FOXP1: variants seen among roughly 807,000 people sequenced by gnomAD.
The protein encoded by FOXP1 is forkhead box protein P1.
Under a neutral mutation model 98.2 loss-of-function variants are expected in FOXP1, and 15 were observed. The ratio of observed to expected loss-of-function variants is 0.15; its 90% CI spans 0.10 to 0.24. FOXP1 has a LOEUF of 0.24. Among genes scored for constraint, FOXP1 ranks in the 10% least tolerant of loss-of-function variants. The pLI is 1.00. For synonymous variants in FOXP1, 371 were observed against 314.5 expected (o/e 1.18, Z -1.90); for missense variants, 633 against 848.5 (o/e 0.75, Z 3.15).
At chr3:71,063,020 C>T (rs2051765148) in intron 7 of FOXP1, among the ~76,000 whole-genome samples, 1 of 152,210 alleles carries the variant, frequency 6.6e-6, no homozygotes, top group Admixed American at 6.5e-5. Context: ...CAGGCAACTA[C>T]ACAAATAACT....
chr3:71,208,965 G>A (rs541971548), intron 5 of FOXP1, among the ~76,000 whole-genome samples: 1 of 152,194 alleles, frequency 6.6e-6, no homozygotes, highest in South Asian at 2.1e-4. Flanking sequence ...TGGAGACCAA[G>A]CCTGCTTGTT....
chr3:71,031,508 A>G (rs542055946), intron 11 of FOXP1, among the ~76,000 whole-genome samples: 32 of 152,294 alleles, frequency 2.1e-4, no homozygotes, highest in African/African-American at 7.2e-4. Flanking sequence ...GTCTTTTTAA[A>G]AAGTCCCTAT....
intron 5 of FOXP1, among the ~76,000 whole-genome samples, chr3:71,233,658 C>A (rs2066526421): frequency 6.8e-6 from 1 of 148,024 alleles, no homozygotes; most frequent in Non-Finnish European, 1.5e-5. Context: ...GCCAGGCTGA[C>A]CTCAGATGAT....
At chr3:71,240,324 C>A (rs2067147167) in intron 5 of FOXP1, among the ~76,000 whole-genome samples, 2 of 152,222 alleles carry the variant, frequency 1.3e-5, no homozygotes, top group South Asian at 4.1e-4. Flanking sequence ...AATGGAAGGG[C>A]AGTGTACTGG....
At chr3:71,426,553 T>C (rs995133751) in intron 3 of FOXP1, among the ~76,000 whole-genome samples, 7 of 152,160 alleles carry the variant, frequency 4.6e-5, no homozygotes, top group African/African-American at 1.4e-4. Context: ...TTACTGTGGC[T>C]ATATGAAGGA....
At chr3:71,469,098 T>G (rs554300322) in intron 3 of FOXP1, among the ~76,000 whole-genome samples, 6 of 152,258 alleles carry the variant, frequency 3.9e-5, no homozygotes, top group African/African-American at 1.4e-4. Context: ...TGGCACACAT[T>G]TAGACTGACT....
chr3:71,191,716 C>T (rs994804893), intron 6 of FOXP1, among the ~76,000 whole-genome samples: 1 of 152,084 alleles, frequency 6.6e-6, no homozygotes, highest in Non-Finnish European at 1.5e-5. Flanking sequence ...TGAAATATGC[C>T]TTTTCTAGAA....
At chr3:70,986,153 C>T (rs763107308) in intron 14 of FOXP1, among the ~76,000 whole-genome samples, 19 of 152,160 alleles carry the variant, frequency 1.2e-4, no homozygotes, top group Non-Finnish European at 2.2e-4. Flanking sequence ...CCTTCCATCC[C>T]TGTTCACTTC....
intron 5 of FOXP1, among the ~76,000 whole-genome samples, chr3:71,263,357 A>G (rs2069340119): frequency 6.6e-6 from 1 of 152,234 alleles, no homozygotes; most frequent in South Asian, 2.1e-4. Context: ...CTGAAAGAAT[A>G]TAAAAATCGG....
intron 4 of FOXP1, among the ~76,000 whole-genome samples, chr3:71,318,954 A>G (rs1281311729): frequency 1.3e-5 from 2 of 152,216 alleles, no homozygotes; most frequent in Non-Finnish European, 2.9e-5. Context: ...AGGAAAGCAC[A>G]CACAAATTCA....
rs367942710 is a variant in FOXP1 at position 71,173,458 on chromosome 3, T to C, written c.180+24744A>G. Among the ~76,000 whole-genome samples the C allele has an allele frequency of 5.4e-4, 81 of 150,706 alleles. 1 individual carries two copies. In the South Asian group the frequency reaches 0.017, roughly 32 times the overall value. On this transcript the variant is annotated intron_variant, in intron 6 of 20. Coordinates refer to ENST00000649528, the MANE Select transcript of FOXP1 (RefSeq NM_001349338.3). ...AGTTCTTGCCCTGCATAAAAAGTCCTGCAAGCATAGGATAGCATGATCTTC... is the reference window on the plus strand; with the variant it reads ...AGTTCTTGCCCTGCATAAAAAGTCCCGCAAGCATAGGATAGCATGATCTTC...
intron 7 of FOXP1, among the ~76,000 whole-genome samples, chr3:71,092,992 G>A (rs142782125): frequency 0.032 from 4,915 of 152,246 alleles, 159 homozygotes; most frequent in East Asian, 0.083. Flanking sequence ...CAGGCGTGGT[G>A]GCTCACGCCT....
chr3:71,286,418 T>C (rs1033902958), intron 5 of FOXP1, among the ~76,000 whole-genome samples: 31 of 150,532 alleles, frequency 2.1e-4, no homozygotes, highest in African/African-American at 7.6e-4. Context: ...ATCACTGAGG[T>C]ATAGCAAAGA....
intron 3 of FOXP1, among the ~76,000 whole-genome samples, chr3:71,475,595 C>A (rs1250941250): frequency 6.6e-6 from 1 of 152,100 alleles, no homozygotes; most frequent in African/African-American, 2.4e-5. Context: ...GTAATCCCAG[C>A]ACTTTGGGAG....
chr3:71,016,543 G>T (rs1003320186), intron 11 of FOXP1, among the ~76,000 whole-genome samples: 1 of 151,936 alleles, frequency 6.6e-6, no homozygotes, highest in African/African-American at 2.4e-5. Context: ...CTAACATTGA[G>T]AGTTCTGTTT....
intron 13 of FOXP1, among the ~76,000 whole-genome samples, chr3:70,993,365 T>C (rs1329522608): frequency 6.6e-6 from 1 of 152,160 alleles, no homozygotes; most frequent in East Asian, 1.9e-4. Context: ...AACCAGTTCC[T>C]GCGTAGAGCC....
intron 2 of FOXP1, among the ~76,000 whole-genome samples, chr3:71,558,338 A>C (rs1057375547): frequency 2.0e-5 from 3 of 152,212 alleles, no homozygotes; most frequent in African/African-American, 7.2e-5. Context: ...CCAGAGGTGG[A>C]CCAGACTGGC....
At chr3:71,045,369 G>C (rs1348381554) in intron 10 of FOXP1, among the ~76,000 whole-genome samples, 1 of 152,150 alleles carries the variant, frequency 6.6e-6, no homozygotes, top group Non-Finnish European at 1.5e-5. Flanking sequence ...CTTTTGGACA[G>C]CTTAACTGAT....
chr3:71,236,948 A>G (rs1350730163), intron 5 of FOXP1, among the ~76,000 whole-genome samples: 3 of 151,786 alleles, frequency 2.0e-5, no homozygotes, highest in Non-Finnish European at 4.4e-5. Context: ...TAAAAATACA[A>G]TTGGGCCAGG....
Sources: allele counts gnomAD v4.1 joint callset (sites outside exome capture counted in the v4.1 genomes callset), GRCh38; gene constraint gnomAD v4.1.1; transcripts MANE v1.5; gene names NCBI Gene and HGNC (gene_info 2026-07-23, HGNC 2026-07-21).